Variants in TGFBR3 observed in about 807,000 individuals in gnomAD.
The protein encoded by TGFBR3 is transforming growth factor beta receptor type 3.
A neutral mutation model predicts 87.9 loss-of-function variants in TGFBR3; 46 were observed. The observed-to-expected ratio is 0.52, with a 90% CI of 0.41 to 0.67. The LOEUF (loss-of-function observed/expected upper bound fraction) is 0.67. Among genes scored for constraint, TGFBR3 ranks in the 30% least tolerant of loss-of-function variants. The probability of loss-of-function intolerance (pLI) is 0.00; values close to 1 mark genes in which losing one functional copy is unlikely to be tolerated. For synonymous variants in TGFBR3, 381 were observed against 391.6 expected (o/e 0.97, Z 0.32); for missense variants, 866 against 1,041.9 (o/e 0.83, Z 2.32).
At chr1:91,713,993 A>G (rs1672078017) in intron 12 of TGFBR3, among the ~76,000 whole-genome samples, 1 of 150,456 alleles carries the variant, frequency 6.6e-6, no homozygotes, top group African/African-American at 2.4e-5. Flanking sequence ...GAAAAAATAT[A>G]TATTATTTTT....
intron 2 of TGFBR3, among the ~76,000 whole-genome samples, chr1:91,860,311 T>C (rs532491048): frequency 6.6e-5 from 10 of 152,346 alleles, no homozygotes; most frequent in East Asian, 5.8e-4. Context: ...GCCCACTCAA[T>C]AGATGATCAT....
intron 1 of TGFBR3, among the ~76,000 whole-genome samples, chr1:91,899,929 C>G (rs1679654487): frequency 6.6e-6 from 1 of 152,070 alleles, no homozygotes; most frequent in South Asian, 2.1e-4. Flanking sequence ...CCACTGCACT[C>G]CAGCCTGGGC....
intron 2 of TGFBR3, among the ~76,000 whole-genome samples, chr1:91,831,227 A>G (rs555312700): frequency 1.4e-5 from 2 of 147,210 alleles, no homozygotes; most frequent in Non-Finnish European, 3.0e-5. Context: ...AAAACAATTT[A>G]AAAAAAAAAA....
At chr1:91,802,964 C>G (rs1675692833) in intron 2 of TGFBR3, among the ~76,000 whole-genome samples, 1 of 152,146 alleles carries the variant, frequency 6.6e-6, no homozygotes, top group Non-Finnish European at 1.5e-5. Context: ...TCTCTCGTTC[C>G]CTGATTACTG....
rs537054161 is a variant in TGFBR3, at chr1:91,901,725, A to G, written c.-174-2028T>C. On this transcript the variant is annotated intron_variant, in intron 1 of 17. Coordinates refer to the TGFBR3 transcript ENST00000370399. ...AGACCTGGGTTAAAGACCAGCCTGGACAACATAGCAAGACCTGGTGCTTAA... is the reference window on the plus strand; with the variant it reads ...AGACCTGGGTTAAAGACCAGCCTGGGCAACATAGCAAGACCTGGTGCTTAA... Among the ~76,000 whole-genome samples the G allele has an allele frequency of 6.6e-5, 10 of 150,456 alleles. 1 individual carries two copies. In the South Asian group the frequency reaches 1.9e-3, roughly 29 times the overall value.
At position 91,785,196 on chromosome 1, in the gene TGFBR3, T is replaced by G. The variant is rs536349420; in HGVS notation, c.246+12091A>C. On this transcript the variant is annotated intron_variant, in intron 3 of 16. Coordinates refer to ENST00000212355, the MANE Select transcript of TGFBR3 (RefSeq NM_003243.5). ...TGCTACAACATCGAGGAACCTCAAGTGCTTTACGCTAAGTGAAAGAAGCTA... is the reference window on the plus strand; with the variant it reads ...TGCTACAACATCGAGGAACCTCAAGGGCTTTACGCTAAGTGAAAGAAGCTA... Among the ~76,000 whole-genome samples, 3 of 152,382 alleles carry G rather than the reference T, an allele frequency of 2.0e-5. No homozygotes were observed. The South Asian group carries it at 6.2e-4, about 32-fold the overall frequency.
chr1:91,826,737 C>T (rs1407141872), intron 2 of TGFBR3, among the ~76,000 whole-genome samples: 3 of 52,484 alleles, frequency 5.7e-5, no homozygotes, highest in Non-Finnish European at 1.1e-4. Flanking sequence ...TTTCTCCCAT[C>T]CACTATTAAA....
In TGFBR3 at chr1:91,764,317, C is replaced by CAAAAA. The variant is rs200776741; in HGVS notation, c.247-5572_247-5568dup. Among the ~76,000 whole-genome samples, 102 of 77,292 alleles carry CAAAAA rather than the reference C, an allele frequency of 1.3e-3. 1 individual carries two copies. Among genetic ancestry groups the CAAAAA allele is most frequent in the Middle Eastern group, 0.018 (2 of 112 alleles). The allele number at this position is 77,292 out of a possible 152,430, so 50.7% of individuals were successfully genotyped here. On this transcript the variant is annotated intron_variant, in intron 3 of 16. Coordinates refer to ENST00000212355, the MANE Select transcript of TGFBR3 (RefSeq NM_003243.5). ...TCATCTAATATAACCACAAAAGAGA[C>CAAAAA]AAAAAAAAAAAAAAAAAAAAAACCT...
intron 12 of TGFBR3, among the ~76,000 whole-genome samples, chr1:91,715,720 G>A (rs1225449121): frequency 1.3e-5 from 2 of 152,072 alleles, no homozygotes; most frequent in African/African-American, 2.4e-5. Context: ...AAAAAAAAAT[G>A]TCATGAGTTA....
intron 2 of TGFBR3, among the ~76,000 whole-genome samples, chr1:91,803,539 C>CT (rs545937797): frequency 0.19 from 27,037 of 145,680 alleles, 2,941 homozygotes; most frequent in African/African-American, 0.32. Flanking sequence ...CTCTGAACTG[C>CT]TTTTTTTTTT....
intron 2 of TGFBR3, among the ~76,000 whole-genome samples, chr1:91,828,707 T>C (rs1237711202): frequency 6.6e-6 from 1 of 152,086 alleles, no homozygotes; most frequent in Non-Finnish European, 1.5e-5. Context: ...CTACTAAAGT[T>C]AAGGAGTGAA....
chr1:91,801,942 T>C (rs762138560), intron 2 of TGFBR3, among the ~76,000 whole-genome samples: 1 of 152,018 alleles, frequency 6.6e-6, no homozygotes, highest in South Asian at 2.1e-4. Context: ...GGGTACAGAA[T>C]GTACAAGTGA....
chr1:91,834,221 C>T (rs1571556422), intron 2 of TGFBR3, among the ~76,000 whole-genome samples: 2 of 152,314 alleles, frequency 1.3e-5, no homozygotes, highest in Middle Eastern at 6.8e-3. Context: ...TCCAGCTGGG[C>T]TGATTTTAAA....
intron 2 of TGFBR3, among the ~76,000 whole-genome samples, chr1:91,813,161 G>A (rs74942627): frequency 0.012 from 1,758 of 152,182 alleles, 20 homozygotes; most frequent in Non-Finnish European, 0.02. Flanking sequence ...CCTTCATGAT[G>A]CACAAACCTG....
chr1:91,697,852 G>C (rs1671484017), intron 15 of TGFBR3, among the ~76,000 whole-genome samples: 1 of 151,940 alleles, frequency 6.6e-6, no homozygotes, highest in Admixed American at 6.6e-5. Flanking sequence ...CATGCCAATG[G>C]ATCAACAAAT....
At chr1:91,855,451 A>C (rs1040400742) in intron 2 of TGFBR3, among the ~76,000 whole-genome samples, 2 of 151,954 alleles carry the variant, frequency 1.3e-5, no homozygotes, top group Admixed American at 1.3e-4. Context: ...TATTACTAAA[A>C]CTCCTGGAAA....
intron 1 of TGFBR3, among the ~76,000 whole-genome samples, chr1:91,869,777 G>A (rs554211913): frequency 5.2e-4 from 79 of 152,350 alleles, no homozygotes; most frequent in African/African-American, 1.9e-3. Flanking sequence ...GGAGGCAGGA[G>A]TGCGACCATC....
At chr1:91,870,905 G>A (rs369109199) in intron 1 of TGFBR3, among the ~76,000 whole-genome samples, 23 of 152,190 alleles carry the variant, frequency 1.5e-4, no homozygotes, top group African/African-American at 3.1e-4. Flanking sequence ...GCATGGTGGC[G>A]CATGCCAATA....
Position 91,709,637 on chromosome 1 carries a change from C to T in TGFBR3, c.2167-854G>A, listed in dbSNP as rs115000506. ...AGGTTGTGGAGGCCATGAGATTAGC[C>T]GCTTCAAACCTATTAATGAGCATGC... is the stretch of plus-strand genomic sequence containing the variant. On this transcript the variant is annotated intron_variant, in intron 13 of 16. Transcript: ENST00000212355. 3.4e-3 allele frequency among the ~76,000 whole-genome samples: 525 copies of T among 152,276 alleles called. 1 individual carries two copies. Among genetic ancestry groups the T allele is most frequent in the Non-Finnish European group, 4.5e-3 (305 of 68,022 alleles).
Sources: allele counts gnomAD v4.1 joint callset (sites outside exome capture counted in the v4.1 genomes callset), GRCh38; gene constraint gnomAD v4.1.1; transcripts MANE v1.5; gene names NCBI Gene and HGNC (gene_info 2026-07-23, HGNC 2026-07-21).